The following CACNA1G variants were observed in gnomAD, a reference collection of about 807,000 sequenced individuals.
The protein encoded by CACNA1G is voltage-dependent T-type calcium channel subunit alpha-1G.
In CACNA1G, 67 loss-of-function variants were observed where a neutral mutation model predicts 219.4. That is an observed-to-expected ratio of 0.31 (90% confidence interval 0.25 to 0.37). The LOEUF (loss-of-function observed/expected upper bound fraction) is 0.37. CACNA1G is among the 10% of genes least tolerant of loss of function. CACNA1G has a pLI of 1.00. For synonymous variants in CACNA1G, 1,296 were observed against 1,345.3 expected (o/e 0.96, Z 0.80); for missense variants, 2,380 against 3,231.4 (o/e 0.74, Z 6.39).
rs890276528 is a variant in CACNA1G at position 50,603,526 on chromosome 17, G to A, written c.4169+327G>A. On this transcript the variant is annotated intron_variant, in intron 21 of 37. Coordinates refer to ENST00000359106, the MANE Select transcript of CACNA1G (RefSeq NM_018896.5). This position sits in a 1 kb window ranked among gnomAD's most constrained non-coding sequence, Gnocchi z 6.4. ...CAGGACTCTCACAGTCTTCAGCTGC[G>A]GCTCTCCCTTGTGTGGCCTCTAGGG... Among the ~76,000 whole-genome samples the A allele has an allele frequency of 6.6e-6, 1 of 152,100 alleles. No homozygotes were observed. The highest frequency in any genetic ancestry group is 6.5e-5 in the Admixed American group (1 of 15,268).
At position 50,618,572 on chromosome 17, in the gene CACNA1G, C is replaced by A; in HGVS notation, c.5428-83C>A. 8.6e-7 allele frequency: 1 copy of A among 1,159,120 alleles called. No homozygotes were observed. Among genetic ancestry groups the A allele is most frequent in the Non-Finnish European group, 1.3e-6 (1 of 797,414 alleles). 71.8% of individuals were successfully genotyped at this position (1,159,120 alleles called of 1,614,324 possible). A position where few individuals can be genotyped will look rare whatever the true frequency, so the allele number is the denominator to read the frequency against. ...CCCTTCCTTCCCATCCTCCAATGCT[C>A]TGTGACACCAGTGACCTGATTTTCC... On this transcript the variant is annotated intron_variant, in intron 32 of 37. Transcript: ENST00000359106. The surrounding 1 kb of genome is among the most constrained non-coding windows in gnomAD (Gnocchi z 5.3).
intron 24 of CACNA1G, 42 bp downstream of exon 24, chr17:50,607,031 A>T: frequency 4.8e-6 from 7 of 1,448,578 alleles, no homozygotes; most frequent in Non-Finnish European, 5.8e-6. Context: ...GGCTCAGGTC[A>T]CTCAGCATGG....
intron 34 of CACNA1G, among the ~76,000 whole-genome samples, chr17:50,620,469 C>G (rs995680919): frequency 6.6e-6 from 1 of 152,224 alleles, no homozygotes; most frequent in Admixed American, 6.5e-5. Flanking sequence ...CCACATGGCC[C>G]TCTCCCCCAG....
chr17:50,619,408 C>T (rs781317512), intron 33 of CACNA1G, among the ~76,000 whole-genome samples: 34 of 151,968 alleles, frequency 2.2e-4, no homozygotes, highest in Non-Finnish European at 4.1e-4. Flanking sequence ...TTCTCTTTAC[C>T]GCTCTCTCTC....
At chr17:50,569,990 C>G (rs1409017655) in intron 4 of CACNA1G, among the ~76,000 whole-genome samples, 187 bp downstream of exon 4, 1 of 152,160 alleles carries the variant, frequency 6.6e-6, no homozygotes, top group Non-Finnish European at 1.5e-5. Flanking sequence ...TGGGAGTTAC[C>G]TGGGAAAACC....
chr17:50,595,540 T>C (rs1253304236), intron 14 of CACNA1G, among the ~76,000 whole-genome samples: 2 of 152,128 alleles, frequency 1.3e-5, no homozygotes, highest in African/African-American at 4.8e-5. Flanking sequence ...GGACAAGTCC[T>C]TGGAGGATGT....
intron 8 of CACNA1G, among the ~76,000 whole-genome samples, chr17:50,576,944 G>A (rs762763918): frequency 1.6e-4 from 24 of 152,322 alleles, no homozygotes; most frequent in Non-Finnish European, 3.4e-4. Context: ...AGTGTCGTGG[G>A]GGCAGTGAGA....
intron 19 of CACNA1G, among the ~76,000 whole-genome samples, chr17:50,601,737 C>T (rs968300292): frequency 3.9e-5 from 6 of 152,182 alleles, no homozygotes; most frequent in Non-Finnish European, 8.8e-5. Flanking sequence ...GCCCAGCTCA[C>T]CCTGGGAGCT....
chr17:50,600,867 T>C lies in CACNA1G; in HGVS notation c.3791+41T>C. 1 of 1,587,638 alleles carries C rather than the reference T, an allele frequency of 6.3e-7. No homozygotes were observed. The highest frequency in any genetic ancestry group is 8.6e-7 in the Non-Finnish European group (1 of 1,156,434). ...GGGGTCTGACCTGTGTCCCGACCTC[T>C]TCTTCTCACGGGAAATTACCGCTGG... On this transcript the variant is annotated intron_variant, in intron 18 of 37. Coordinates refer to ENST00000359106, the MANE Select transcript of CACNA1G (RefSeq NM_018896.5). This position sits in a 1 kb window ranked among gnomAD's most constrained non-coding sequence, Gnocchi z 4.1.
chr17:50,591,540 G>A lies in CACNA1G; in HGVS notation c.2559G>A (p.Arg853=). 6.2e-7 allele frequency: 1 copy of A among 1,612,392 alleles called. No individual in the cohort carries two copies. Among genetic ancestry groups the A allele is most frequent in the East Asian group, 2.2e-5 (1 of 44,868 alleles). ...TGCGCTTCCTGCCGGCGCTGCAGCGGCAGCTGGTGGTGCTCATGAAGACCA... is the reference window on the plus strand; with the variant it reads ...TGCGCTTCCTGCCGGCGCTGCAGCGACAGCTGGTGGTGCTCATGAAGACCA... ...KLVRFLPALQ[R]QLVVLMKTMD... Residue 853 remains arginine, a synonymous_variant, in exon 11 of 38, where the codon CGG becomes CGA. Transcript: ENST00000359106.
intron 9 of CACNA1G, among the ~76,000 whole-genome samples, chr17:50,581,764 C>A (rs565421093): frequency 1.3e-5 from 2 of 152,332 alleles, no homozygotes; most frequent in East Asian, 1.9e-4. Flanking sequence ...GACCTGATGT[C>A]GAAGTGTGAT....
chr17:50,615,604 GTGCC>G, intron 27 of CACNA1G, 92 bp downstream of exon 27: 1 of 1,435,538 alleles, frequency 7.0e-7, no homozygotes, highest in Non-Finnish European at 9.4e-7. Flanking sequence ...GGGTACCTCT[GTGCC>G]AAGCAAGTGC....
intron 19 of CACNA1G, among the ~76,000 whole-genome samples, chr17:50,601,969 A>G (rs965000642): frequency 2.0e-5 from 3 of 152,006 alleles, no homozygotes; most frequent in African/African-American, 4.8e-5. Context: ...GGGTGGAGGG[A>G]GCCTGAGGAA....
rs770590087 is a variant in CACNA1G, at chr17:50,573,151, C to G, written c.1140+38C>G. On this transcript the variant is annotated intron_variant, in intron 7 of 37. Transcript: ENST00000359106. ...TCAGATCCCCGTGGGGATGGGCGATCCTGGGGACACCTGTGGGGGCAGTCC... is the reference window on the plus strand; with the variant it reads ...TCAGATCCCCGTGGGGATGGGCGATGCTGGGGACACCTGTGGGGGCAGTCC... The G allele has an allele frequency of 2.8e-6, 4 of 1,431,124 alleles. No homozygotes were observed. In the South Asian group the frequency reaches 4.9e-5, roughly 18 times the overall value. The allele number at this position is 1,431,124 out of a possible 1,614,324, so 88.7% of individuals were successfully genotyped here.
chr17:50,609,930 C>A lies in CACNA1G; in HGVS notation c.4754C>A (p.Ala1585Glu), dbSNP rs758840349. 26 of 1,610,374 alleles carry A rather than the reference C, an allele frequency of 1.6e-5. No homozygotes were observed. Among genetic ancestry groups the A allele is most frequent in the Non-Finnish European group, 2.1e-5 (25 of 1,179,622 alleles). The change falls in exon 26 of 38, where the codon GCG becomes GAG. Residue 1585 changes from alanine to glutamate, a missense_variant. Physicochemically the swap from Ala to Glu is moderately radical, Grantham distance 107 (BLOSUM62 -1). Transcript: ENST00000359106. Reference protein sequence around the residue: ...VIASGSSASAASEAQCKPYYS... With the variant: ...VIASGSSASAESEAQCKPYYS... ...GCTTCCGGCAGCTCAGCCAGCGCTG[C>A]GTCAGGTACTGCGTCTGGGGTGTGG...
chr17:50,582,232 G>A (rs569733402), intron 9 of CACNA1G, among the ~76,000 whole-genome samples: 13 of 152,364 alleles, frequency 8.5e-5, no homozygotes, highest in Admixed American at 7.2e-4. Flanking sequence ...GCTCCGTGTA[G>A]GAGGTGACCT....
At chr17:50,567,077 G>A (rs185492027) in intron 1 of CACNA1G, among the ~76,000 whole-genome samples, 47 of 152,308 alleles carry the variant, frequency 3.1e-4, no homozygotes, top group African/African-American at 1.1e-3. Context: ...CCAAATGATG[G>A]CTCCCTTCCT....
At chr17:50,581,244 G>A (rs2041894268) in intron 9 of CACNA1G, among the ~76,000 whole-genome samples, 1 of 151,844 alleles carries the variant, frequency 6.6e-6, no homozygotes, top group African/African-American at 2.4e-5. Flanking sequence ...GCTGAAGACA[G>A]AGACCGAGTC....
At chr17:50,608,181 C>A in intron 25 of CACNA1G, 162 bp downstream of exon 25, 1 of 667,950 alleles carries the variant, frequency 1.5e-6, no homozygotes, top group South Asian at 1.9e-5. Context: ...GCATGTCTGC[C>A]TTTAGAGCGA....
Sources: gnomAD v4.1 joint callset for allele counts (sites outside exome capture counted in the v4.1 genomes callset) on GRCh38, gnomAD v4.1.1 for gene constraint, Gnocchi (gnomAD v3.1) non-coding constraint, MANE v1.5 for transcripts, NCBI Gene and HGNC (gene_info 2026-07-23, HGNC 2026-07-21) for gene names.